NTM: variants seen among roughly 807,000 people sequenced by gnomAD.
The protein encoded by NTM is neurotrimin, also known as IgLON family member 2.
A neutral mutation model predicts 42.1 loss-of-function variants in NTM; 13 were observed. The ratio of observed to expected loss-of-function variants is 0.31; its 90% CI spans 0.20 to 0.49. The LOEUF (loss-of-function observed/expected upper bound fraction) is 0.49. Among genes scored for constraint, NTM ranks in the 20% least tolerant of loss-of-function variants. NTM has a pLI of 0.99. For synonymous variants in NTM, 187 were observed against 179.2 expected (o/e 1.04, Z -0.35); for missense variants, 373 against 452.8 (o/e 0.82, Z 1.60).
At chr11:131,914,006 C>T (rs147960261) in intron 2 of NTM, among the ~76,000 whole-genome samples, 2 of 152,168 alleles carry the variant, frequency 1.3e-5, no homozygotes, top group Admixed American at 6.5e-5. Context: ...CCCTCCTTCT[C>T]AGACTCTGAT....
chr11:131,648,422 A>C (rs1162565779), intron 1 of NTM, among the ~76,000 whole-genome samples: 1 of 152,154 alleles, frequency 6.6e-6, no homozygotes, highest in Admixed American at 6.5e-5. Flanking sequence ...AGGAATCACC[A>C]CACTGTTTTT....
intron 4 of NTM, among the ~76,000 whole-genome samples, chr11:132,240,718 A>T (rs1373856110): frequency 6.6e-6 from 1 of 152,238 alleles, no homozygotes; most frequent in Non-Finnish European, 1.5e-5. Context: ...GTTCGAAAGA[A>T]CTTGAGAGAT....
chr11:131,639,052 C>A (rs2064802355), intron 1 of NTM, among the ~76,000 whole-genome samples: 1 of 152,200 alleles, frequency 6.6e-6, no homozygotes, highest in Non-Finnish European at 1.5e-5. Flanking sequence ...ACAGAGAGGT[C>A]AAGTAACTTG....
At chr11:131,689,832 C>T (rs540831628) in intron 1 of NTM, among the ~76,000 whole-genome samples, 7 of 152,306 alleles carry the variant, frequency 4.6e-5, no homozygotes, top group South Asian at 2.1e-4. Flanking sequence ...ACTCTTGCCA[C>T]CTGCCAGCCT....
intron 1 of NTM, among the ~76,000 whole-genome samples, chr11:131,761,777 C>G (rs1046125283): frequency 4.0e-5 from 6 of 151,512 alleles, no homozygotes; most frequent in Non-Finnish European, 7.4e-5. Flanking sequence ...CCATTGCACT[C>G]CAGCCTGGGC....
At position 131,386,169 on chromosome 11, in the gene NTM, G is replaced by T. The variant is rs148675591; in HGVS notation, c.82+15281G>T. ...GAAGGCAATTCTGACACATGCTGCA[G>T]CATGGATGAACTTTGAAACCATTAT... On this transcript the variant is annotated intron_variant, in intron 1 of 8. Transcript: ENST00000683400. Among the ~76,000 whole-genome samples the T allele has an allele frequency of 4.6e-5, 7 of 152,340 alleles. No individual in the cohort carries two copies. The East Asian group carries it at 1.2e-3, about 25-fold the overall frequency.
intron 1 of NTM, among the ~76,000 whole-genome samples, chr11:131,428,880 CAAAAAAAAAA>C (rs35312475): frequency 6.0e-5 from 5 of 84,008 alleles, no homozygotes; most frequent in Admixed American, 1.5e-4. Flanking sequence ...ACTAAAAATA[CAAAAAAAAAA>C]AAAAAAAAAA....
At chr11:132,207,338 G>T (rs1368786894) in intron 3 of NTM, among the ~76,000 whole-genome samples, 1 of 152,128 alleles carries the variant, frequency 6.6e-6, no homozygotes, top group Non-Finnish European at 1.5e-5. Flanking sequence ...AGGGATCTAG[G>T]TCGTGCACTC....
chr11:131,558,319 C>T (rs1323378413), intron 1 of NTM, among the ~76,000 whole-genome samples: 5 of 152,158 alleles, frequency 3.3e-5, no homozygotes, highest in South Asian at 2.1e-4. Flanking sequence ...GATTAGCTTA[C>T]GATACAGAGA....
At chr11:131,761,183 C>T (rs995566486) in intron 1 of NTM, among the ~76,000 whole-genome samples, 5 of 152,160 alleles carry the variant, frequency 3.3e-5, no homozygotes, top group Admixed American at 3.3e-4. Context: ...TTTGCAGGAC[C>T]TGTTATGCGT....
chr11:132,274,242 T>C (rs2093622239), intron 4 of NTM, among the ~76,000 whole-genome samples: 1 of 152,064 alleles, frequency 6.6e-6, no homozygotes. Context: ...ATTTTCTTCT[T>C]TCTGCCTGGT....
chr11:131,738,413 A>G (rs145197772), intron 1 of NTM, among the ~76,000 whole-genome samples: 12 of 152,348 alleles, frequency 7.9e-5, no homozygotes, highest in African/African-American at 2.9e-4. Context: ...CTTTGTGCCC[A>G]GCAGAAATCT....
intron 2 of NTM, among the ~76,000 whole-genome samples, chr11:132,094,341 A>G (rs1319899852): frequency 6.6e-6 from 1 of 152,130 alleles, no homozygotes; most frequent in Non-Finnish European, 1.5e-5. Context: ...TGCTCTTCCT[A>G]GGGCACCTTG....
chr11:131,971,198 A>G (rs968536603), intron 2 of NTM, among the ~76,000 whole-genome samples: 1 of 152,202 alleles, frequency 6.6e-6, no homozygotes, highest in African/African-American at 2.4e-5. Flanking sequence ...AAGAGTGCCC[A>G]TCTGCATGCA....
At chr11:132,098,964 T>C (rs776979485) in intron 2 of NTM, among the ~76,000 whole-genome samples, 2 of 152,244 alleles carry the variant, frequency 1.3e-5, no homozygotes, top group Non-Finnish European at 2.9e-5. Flanking sequence ...TCATGTTTAA[T>C]CGGGAGCGAT....
intron 2 of NTM, among the ~76,000 whole-genome samples, chr11:132,079,231 A>G (rs368091323): frequency 2.0e-5 from 3 of 152,206 alleles, no homozygotes; most frequent in East Asian, 3.9e-4. Context: ...GAGGCCACCT[A>G]TATTTCCAGC....
At chr11:132,165,555 A>G (rs2137721117) in intron 3 of NTM, among the ~76,000 whole-genome samples, 1 of 152,326 alleles carries the variant, frequency 6.6e-6, no homozygotes, top group East Asian at 1.9e-4. Context: ...TAACTTACAG[A>G]ATCTCATTTA....
chr11:131,678,454 G>C (rs542653132), intron 1 of NTM, among the ~76,000 whole-genome samples: 27 of 152,356 alleles, frequency 1.8e-4, no homozygotes, highest in Admixed American at 5.2e-4. Context: ...CCAAGGGCAA[G>C]GTCTTCTGAG....
chr11:131,922,970 T>C (rs1279740468), intron 2 of NTM, among the ~76,000 whole-genome samples: 1 of 152,178 alleles, frequency 6.6e-6, no homozygotes, highest in Non-Finnish European at 1.5e-5. Context: ...TGTTCTTGAC[T>C]TAAGAAATGT....
Sources: gnomAD v4.1 joint callset for allele counts (sites outside exome capture counted in the v4.1 genomes callset) on GRCh38, gnomAD v4.1.1 for gene constraint, MANE v1.5 for transcripts, NCBI Gene and HGNC (gene_info 2026-07-23, HGNC 2026-07-21) for gene names.